Variants in LRRC4C observed in about 807,000 individuals in gnomAD.
LRRC4C encodes leucine rich repeat containing 4C.
LRRC4C carries 5 observed loss-of-function variants against 33.6 expected under a neutral mutation model. That is an observed-to-expected ratio of 0.15 (90% CI 0.08 to 0.31). LRRC4C has a LOEUF of 0.31. Ranked by LOEUF, LRRC4C falls within the 10% of genes least tolerant of loss-of-function variation. The pLI is 1.00. For synonymous variants in LRRC4C, 329 were observed against 302.0 expected (o/e 1.09, Z -0.93); for missense variants, 560 against 796.7 (o/e 0.70, Z 3.58).
intron 1 of LRRC4C, among the ~76,000 whole-genome samples, chr11:41,195,906 AGAAGCTAAG>A (rs1946159417): frequency 6.6e-6 from 1 of 152,080 alleles, no homozygotes; most frequent in African/African-American, 2.4e-5. Flanking sequence ...TAACAAACAT[AGAAGCTAAG>A]CCCTTTGAGA....
chr11:40,366,034 A>G (rs1392784749), intron 3 of LRRC4C, among the ~76,000 whole-genome samples: 2 of 152,164 alleles, frequency 1.3e-5, no homozygotes, highest in African/African-American at 2.4e-5. Flanking sequence ...TAATCTCAAC[A>G]TAACCAACTA....
chr11:41,291,235 A>G (rs1332124420), intron 1 of LRRC4C, among the ~76,000 whole-genome samples: 1 of 152,184 alleles, frequency 6.6e-6, no homozygotes, highest in Non-Finnish European at 1.5e-5. Flanking sequence ...GAGAGAATTT[A>G]GAATGTGAGG....
chr11:40,445,810 C>T (rs1344729628), intron 3 of LRRC4C: 2 of 152,204 alleles, frequency 1.3e-5, no homozygotes, highest in African/African-American at 4.8e-5. Context: ...CAGTGAAAAG[C>T]TTTTCCATAT....
At chr11:41,039,985 A>C (rs1307459634) in intron 1 of LRRC4C, among the ~76,000 whole-genome samples, 1 of 151,860 alleles carries the variant, frequency 6.6e-6, no homozygotes, top group Non-Finnish European at 1.5e-5. Context: ...AAAATACAAA[A>C]AAATTAGCCG....
chr11:41,006,412 CA>C, intron 1 of LRRC4C, among the ~76,000 whole-genome samples: 1 of 152,284 alleles, frequency 6.6e-6, no homozygotes, highest in African/African-American at 2.4e-5. Flanking sequence ...GGCCATTTCA[CA>C]AAGTTAGGAA....
chr11:40,670,803 G>A (rs543673783), intron 2 of LRRC4C, among the ~76,000 whole-genome samples: 7 of 152,014 alleles, frequency 4.6e-5, no homozygotes, highest in South Asian at 2.1e-4. Flanking sequence ...TCGCTCTGTC[G>A]CCCAGGCTGG....
chr11:40,822,284 CATA>C (rs1408225401), intron 2 of LRRC4C, among the ~76,000 whole-genome samples: 1 of 150,630 alleles, frequency 6.6e-6, no homozygotes, highest in African/African-American at 2.4e-5. Context: ...TTTCACTTAA[CATA>C]ATGACCTCTA....
chr11:40,670,603 T>A (rs892701475), intron 2 of LRRC4C, among the ~76,000 whole-genome samples: 8 of 152,270 alleles, frequency 5.3e-5, no homozygotes, highest in Admixed American at 5.2e-4. Context: ...GATAAAGATG[T>A]ATGCCCATAA....
intron 3 of LRRC4C, among the ~76,000 whole-genome samples, chr11:40,439,963 T>C (rs1333519198): frequency 1.3e-5 from 2 of 152,214 alleles, no homozygotes; most frequent in Non-Finnish European, 2.9e-5. Context: ...TAAAGTTTTG[T>C]TTGAATGCAA....
chr11:41,011,128 A>G (rs1855147714), intron 1 of LRRC4C, among the ~76,000 whole-genome samples: 1 of 152,168 alleles, frequency 6.6e-6, no homozygotes, highest in African/African-American at 2.4e-5. Flanking sequence ...AACCAGAGGA[A>G]ATATCTGAAG....
intron 1 of LRRC4C, among the ~76,000 whole-genome samples, chr11:41,195,987 G>A (rs1031881954): frequency 6.6e-6 from 1 of 152,068 alleles, no homozygotes; most frequent in African/African-American, 2.4e-5. Flanking sequence ...AACCATTGAT[G>A]AGACTGATCT....
At chr11:40,447,651 C>G (rs1351810723) in intron 3 of LRRC4C, among the ~76,000 whole-genome samples, 1 of 152,160 alleles carries the variant, frequency 6.6e-6, no homozygotes, top group Non-Finnish European at 1.5e-5. Flanking sequence ...AGTAAACAAT[C>G]AGAGCTGGAA....
In LRRC4C at chr11:40,169,528, G is replaced by T. The variant is rs141247854; in HGVS notation, c.-95-28675C>A. Among the ~76,000 whole-genome samples, 420 of 152,108 alleles carry T rather than the reference G, an allele frequency of 2.8e-3. 1 individual carries two copies. The highest frequency in any genetic ancestry group is 9.7e-3 in the African/African-American group (402 of 41,502). Reference sequence around the variant, plus strand: ...TCACCATAACACATTTTATATTTTAGTAGGTATATAAATATGAGTATAGTA... The same window carrying T: ...TCACCATAACACATTTTATATTTTATTAGGTATATAAATATGAGTATAGTA... On this transcript the variant is annotated intron_variant, in intron 5 of 6. Coordinates refer to ENST00000528697, the MANE Select transcript of LRRC4C (RefSeq NM_001258419.2).
At chr11:40,397,710 C>T (rs759294893) in intron 3 of LRRC4C, among the ~76,000 whole-genome samples, 1 of 151,996 alleles carries the variant, frequency 6.6e-6, no homozygotes, top group African/African-American at 2.4e-5. Flanking sequence ...GTTCAAATGA[C>T]ACCTGCTAGC....
chr11:40,843,312 G>A (rs1335029240), intron 2 of LRRC4C, among the ~76,000 whole-genome samples: 3 of 152,092 alleles, frequency 2.0e-5, no homozygotes, highest in Admixed American at 6.6e-5. Flanking sequence ...TATGTACTAG[G>A]TAGTTGACTG....
intron 5 of LRRC4C, among the ~76,000 whole-genome samples, chr11:40,228,302 T>C (rs961263571): frequency 6.6e-6 from 1 of 152,218 alleles, no homozygotes; most frequent in African/African-American, 2.4e-5. Flanking sequence ...ATCCATTGAA[T>C]TTTTATCCTC....
At chr11:40,180,526 CA>C (rs201419095) in intron 5 of LRRC4C, among the ~76,000 whole-genome samples, 4,285 of 152,294 alleles carry the variant, frequency 0.028, 69 homozygotes, top group Middle Eastern at 0.055. Context: ...TGAACCAAAT[CA>C]ATAGCACTGA....
At chr11:41,028,569 CG>C (rs1856527619) in intron 1 of LRRC4C, among the ~76,000 whole-genome samples, 2 of 59,224 alleles carry the variant, frequency 3.4e-5, no homozygotes, top group African/African-American at 9.3e-5. Flanking sequence ...TTAGTATTCA[CG>C]ACACACACAC....
intron 1 of LRRC4C, among the ~76,000 whole-genome samples, chr11:41,337,640 T>C (rs931734005): frequency 1.1e-4 from 17 of 152,158 alleles, no homozygotes; most frequent in African/African-American, 3.9e-4. Context: ...AGGGTTTCAT[T>C]ATGAAAAGGC....
Sources: allele counts gnomAD v4.1 joint callset (sites outside exome capture counted in the v4.1 genomes callset), GRCh38; gene constraint gnomAD v4.1.1; transcripts MANE v1.5; gene names NCBI Gene and HGNC (gene_info 2026-07-23, HGNC 2026-07-21).